Variants in TRPM3 observed in about 807,000 individuals in gnomAD.
The protein encoded by TRPM3 is long transient receptor potential channel 3.
Under a neutral mutation model 181.2 loss-of-function variants are expected in TRPM3, and 77 were observed. The ratio of observed to expected loss-of-function variants is 0.42; its 90% CI spans 0.35 to 0.51. TRPM3 has a LOEUF of 0.51. Ranked by LOEUF, TRPM3 falls within the 20% of genes least tolerant of loss-of-function variation. TRPM3 has a pLI of 0.01. For synonymous variants in TRPM3, 745 were observed against 796.4 expected (o/e 0.94, Z 1.09); for missense variants, 1,759 against 2,196.7 (o/e 0.80, Z 3.98).
chr9:70,878,715 A>G (rs1237108040), intron 1 of TRPM3, among the ~76,000 whole-genome samples: 2 of 152,082 alleles, frequency 1.3e-5, no homozygotes, highest in Admixed American at 1.3e-4. Flanking sequence ...ATTCACAAAC[A>G]GTTTGTGGGC....
chr9:71,188,552 T>C (rs1461297261), intron 1 of TRPM3, among the ~76,000 whole-genome samples: 1 of 151,924 alleles, frequency 6.6e-6, no homozygotes, highest in Non-Finnish European at 1.5e-5. Context: ...TGTTGCATCA[T>C]AGAAATACTC....
chr9:70,629,569 T>G (rs2065416119), intron 12 of TRPM3, among the ~76,000 whole-genome samples: 1 of 152,120 alleles, frequency 6.6e-6, no homozygotes, highest in African/African-American at 2.4e-5. Flanking sequence ...ACTCCTGACC[T>G]CAGGTGATCC....
At chr9:71,286,947 A>AT (rs34658555) in intron 1 of TRPM3, among the ~76,000 whole-genome samples, 6,643 of 143,384 alleles carry the variant, frequency 0.046, 177 homozygotes, top group South Asian at 0.11. Flanking sequence ...TATATAATTT[A>AT]TATTTTATAT....
chr9:71,033,941 C>T (rs1330131955), intron 1 of TRPM3, among the ~76,000 whole-genome samples: 2 of 152,108 alleles, frequency 1.3e-5, no homozygotes, highest in Non-Finnish European at 2.9e-5. Flanking sequence ...TACACCGACA[C>T]TCACTCACAC....
At chr9:71,233,177 T>G (rs1166405096) in intron 1 of TRPM3, among the ~76,000 whole-genome samples, 2 of 152,172 alleles carry the variant, frequency 1.3e-5, no homozygotes, top group African/African-American at 4.8e-5. Flanking sequence ...ATAAACCCAA[T>G]AAGGATAAGA....
chr9:71,198,850 T>A lies in TRPM3; in HGVS notation c.183+247803A>T, dbSNP rs1365424024. Among the ~76,000 whole-genome samples the A allele has an allele frequency of 3.1e-5, 4 of 129,526 alleles. No homozygotes were observed. The Admixed American group carries it at 3.3e-4, about 11-fold the overall frequency. The allele number at this position is 129,526 out of a possible 152,430, so 85.0% of individuals were successfully genotyped here. Reference sequence around the variant, plus strand: ...CAATTTGACTTCCTCTTTTCCTAACTGAATACCCTTTATTTCCTTCTCCTG... The same window carrying A: ...CAATTTGACTTCCTCTTTTCCTAACAGAATACCCTTTATTTCCTTCTCCTG... On this transcript the variant is annotated intron_variant, in intron 1 of 24. Transcript: ENST00000357533.
At chr9:70,945,088 G>A (rs1011625566) in intron 1 of TRPM3, among the ~76,000 whole-genome samples, 10 of 152,188 alleles carry the variant, frequency 6.6e-5, no homozygotes, top group African/African-American at 2.4e-4. Context: ...CCTGGGCATA[G>A]GTAGGTTTTC....
In TRPM3 at chr9:70,904,841, A is replaced by T. The variant is rs74392751; in HGVS notation, c.178-40330T>A. ...TCATTGAACAATGGTTTCTTTTGAT[A>T]TCAGCAAAATCTGAAAGGAGCTTTT... On this transcript the variant is annotated intron_variant, in intron 1 of 25. Transcript: ENST00000677713. 5.5e-3 allele frequency among the ~76,000 whole-genome samples: 841 copies of T among 152,346 alleles called. 8 individuals carry two copies. Among genetic ancestry groups the T allele is most frequent in the African/African-American group, 0.019 (798 of 41,570 alleles).
chr9:70,776,298 C>A, intron 7 of TRPM3: 3 of 570,146 alleles, frequency 5.3e-6, no homozygotes, highest in Non-Finnish European at 9.4e-6. Flanking sequence ...CTGTTCATTC[C>A]AACTGTAAAG....
At chr9:71,107,182 C>A (rs1218640173) in intron 1 of TRPM3, among the ~76,000 whole-genome samples, 1 of 152,186 alleles carries the variant, frequency 6.6e-6, no homozygotes, top group Non-Finnish European at 1.5e-5. Flanking sequence ...TCACGCCACT[C>A]TCTTCAGCCC....
chr9:71,180,470 C>T (rs756217255), intron 1 of TRPM3, among the ~76,000 whole-genome samples: 1 of 152,102 alleles, frequency 6.6e-6, no homozygotes, highest in Non-Finnish European at 1.5e-5. Flanking sequence ...TAGGAGGAAG[C>T]CTGTACTTTG....
rs184424910 is a variant in TRPM3 at position 70,537,146 on chromosome 9, G to A, written c.3967C>T (p.Leu1323Phe). 2.5e-6 allele frequency: 4 copies of A among 1,591,574 alleles called. No individual in the cohort carries two copies. The South Asian group carries it at 3.3e-5, about 13-fold the overall frequency. ...CCTGCAGGGTCTATACTCTCTTGGA[G>A]CTTGAAGGTGTTCCCTTCCTGGCTG... ...FNSQEGNTFKLQESIDPAGEE... is the reference protein window; with the variant it reads ...FNSQEGNTFKFQESIDPAGEE... The change falls in exon 26 of 26, where the codon CTC becomes TTC. Residue 1323 changes from leucine to phenylalanine, a missense_variant. This residue lies in a region of TRPM3 where 612 missense variants were observed against 590.0 expected (regional missense o/e 1.04). Transcript: ENST00000677713.
intron 1 of TRPM3, among the ~76,000 whole-genome samples, chr9:71,344,210 G>C (rs2091151907): frequency 6.6e-6 from 1 of 152,180 alleles, no homozygotes; most frequent in Admixed American, 6.5e-5. Flanking sequence ...AGCACTTTGG[G>C]AGGCTGAGGA....
Position 70,635,106 on chromosome 9 carries a change from A to T in TRPM3, c.1632+105T>A. 7 of 920,076 alleles carry T rather than the reference A, an allele frequency of 7.6e-6. 1 individual carries two copies. The Admixed American group carries it at 1.5e-4, about 19-fold the overall frequency. 57.0% of individuals were successfully genotyped at this position (920,076 alleles called of 1,614,324 possible). The stretch of plus-strand genomic sequence containing the variant: ...ACTGTTCTGAAATGAGTGGCGCCTG[A>T]TAGGGACAGGAATACTCTGGCAGCT... On this transcript the variant is annotated intron_variant, in intron 12 of 25. Transcript: ENST00000677713.
At chr9:71,085,349 C>T (rs1452467790) in intron 1 of TRPM3, among the ~76,000 whole-genome samples, 1 of 152,012 alleles carries the variant, frequency 6.6e-6, no homozygotes, top group Non-Finnish European at 1.5e-5. Flanking sequence ...AGGCAACCTA[C>T]AGAATAGAAG....
intron 1 of TRPM3, among the ~76,000 whole-genome samples, chr9:71,115,668 G>T (rs935479759): frequency 6.6e-6 from 1 of 152,110 alleles, no homozygotes; most frequent in Non-Finnish European, 1.5e-5. Flanking sequence ...TGCCAGGGAC[G>T]TTACTGTGCC....
At chr9:71,009,041 ACT>A in intron 1 of TRPM3, among the ~76,000 whole-genome samples, 1 of 152,356 alleles carries the variant, frequency 6.6e-6, no homozygotes, top group South Asian at 2.1e-4. Flanking sequence ...CATGATAAAA[ACT>A]CTCAGCAAAC....
intron 1 of TRPM3, among the ~76,000 whole-genome samples, chr9:70,956,801 A>G (rs2097077884): frequency 6.6e-6 from 1 of 151,860 alleles, no homozygotes; most frequent in Non-Finnish European, 1.5e-5. Flanking sequence ...CAGGAGGATC[A>G]CTTGAGCCCA....
At chr9:71,355,449 G>A (rs191838656) in intron 1 of TRPM3, among the ~76,000 whole-genome samples, 55 of 152,250 alleles carry the variant, frequency 3.6e-4, no homozygotes, top group African/African-American at 1.3e-3. Context: ...CAGAACCTAG[G>A]AGAGAGGCAT....
Sources: gnomAD v4.1 joint callset for allele counts (sites outside exome capture counted in the v4.1 genomes callset) on GRCh38, gnomAD v4.1.1 for gene constraint, gnomAD v4.1.1 regional missense constraint, MANE v1.5 for transcripts, NCBI Gene and HGNC (gene_info 2026-07-23, HGNC 2026-07-21) for gene names.